The following FCER2 variants were observed in gnomAD, a reference collection of about 807,000 sequenced individuals.
FCER2 encodes Fc epsilon receptor II.
In FCER2, 38 loss-of-function variants were observed where a neutral mutation model predicts 49.7. The ratio of observed to expected loss-of-function variants is 0.76; its 90% CI spans 0.59 to 1.00. The LOEUF (loss-of-function observed/expected upper bound fraction) is 1.00. Ranked by LOEUF, FCER2 falls within the 50% of genes least tolerant of loss-of-function variation. FCER2 has a pLI of 0.00. For synonymous variants in FCER2, 163 were observed against 164.6 expected (o/e 0.99, Z 0.07); for missense variants, 425 against 419.5 (o/e 1.01, Z -0.11).
intron 3 of FCER2, 50 bp from the exon 4 acceptor site, chr19:7,698,459 C>CCT: frequency 1.4e-6 from 2 of 1,438,770 alleles, no homozygotes; most frequent in Non-Finnish European, 1.9e-6. Flanking sequence ...GTCAGTGCCC[C>CCT]CACCTGCCTG....
Position 7,699,734 on chromosome 19 carries a change from C to T in FCER2, c.22+5G>A. On this transcript the variant is annotated splice_donor_5th_base_variant and intron_variant, in intron 2 of 10. Transcript: ENST00000597921. ...GCCAACGTTAGAACCAGAGAGTCCT[C>T]CTACCTGAATATTGACCTTCCTCCA... 6.2e-7 allele frequency: 1 copy of T among 1,613,798 alleles called. No individual in the cohort carries two copies. The highest frequency in any genetic ancestry group is 2.2e-5 in the East Asian group (1 of 44,854).
Position 7,698,468 on chromosome 19 carries a change from T to C in FCER2, c.137-59A>G, listed in dbSNP as rs2033076381. 11 of 1,349,044 alleles carry C rather than the reference T, an allele frequency of 8.2e-6. No individual in the cohort carries two copies. The Admixed American group carries it at 1.1e-4, about 13-fold the overall frequency. The allele number at this position is 1,349,044 out of a possible 1,614,324, so 83.6% of individuals were successfully genotyped here. A position where few individuals can be genotyped will look rare whatever the true frequency, so the allele number is the denominator to read the frequency against. ...GGGATTGTCAGTGCCCCCACCTGCC[T>C]GCACCCCACCTCCCAGCTGGGGATG... is the stretch of plus-strand genomic sequence containing the variant. On this transcript the variant is annotated intron_variant, in intron 3 of 10. Transcript: ENST00000597921.
chr19:7,691,384 C>CT (rs2032866490), intron 8 of FCER2, among the ~76,000 whole-genome samples: 1 of 152,094 alleles, frequency 6.6e-6, no homozygotes, highest in African/African-American at 2.4e-5. Context: ...CCACAAATCC[C>CT]ATCATCACAA....
chr19:7,698,972 A>C, intron 2 of FCER2, 118 bp from the exon 3 acceptor site: 2 of 1,069,642 alleles, frequency 1.9e-6, no homozygotes, highest in Non-Finnish European at 2.7e-6. Flanking sequence ...GCCCACACTG[A>C]AGCAAAGGGT....
At chr19:7,691,396 T>C (rs1474475640) in intron 8 of FCER2, among the ~76,000 whole-genome samples, 2 of 151,084 alleles carry the variant, frequency 1.3e-5, no homozygotes, top group Non-Finnish European at 3.0e-5. Context: ...TCATCACAAA[T>C]GCTTCACAGC....
intron 10 of FCER2, among the ~76,000 whole-genome samples, 179 bp from the exon 11 acceptor site, chr19:7,689,609 A>G (rs767515131): frequency 6.6e-6 from 1 of 151,214 alleles, no homozygotes; most frequent in South Asian, 2.1e-4. Context: ...ACCCTTATTT[A>G]TTTGTTTGTT....
chr19:7,699,778 T>A lies in FCER2; in HGVS notation c.-18A>T, dbSNP rs750401440. 3.7e-6 allele frequency: 6 copies of A among 1,613,294 alleles called. No homozygotes were observed. In the Admixed American group the frequency reaches 6.7e-5, roughly 18 times the overall value. On this transcript the variant is annotated 5_prime_UTR_variant, in exon 2 of 11. Transcript: ENST00000597921. The stretch of plus-strand genomic sequence containing the variant: ...TCCTCCATGGCGGTCCTGCTTGGAT[T>A]CTCCCGATGATGGAGCACTCACTCC...
chr19:7,701,763 G>A (rs572083709), intron 1 of FCER2, among the ~76,000 whole-genome samples: 153 of 151,992 alleles, frequency 1.0e-3, no homozygotes, highest in African/African-American at 3.5e-3. Context: ...CTCTATGATC[G>A]GCCCAGCGCA....
rs555446476 is a variant in FCER2 at position 7,689,422 on chromosome 19, G to T, written c.737C>A (p.Ala246Asp). Reference sequence around the variant, plus strand: ...GCTCCGGCTGGTGGGCTCCCCTGGAGCCCAGTTGCTGGAGCAAAAGGCTTT... The same window carrying T: ...GCTCCGGCTGGTGGGCTCCCCTGGATCCCAGTTGCTGGAGCAAAAGGCTTT... ...DGSHVDYSNW[A>D]PGEPTSRSQG... is the part of the protein sequence containing the mutation. The change falls in exon 11 of 11, where the codon GCT becomes GAT. Residue 246 changes from alanine (A) to aspartate (D), a missense_variant. Transcript: ENST00000597921. 5 of 1,584,858 alleles carry T rather than the reference G, an allele frequency of 3.2e-6. No individual in the cohort carries two copies. The South Asian group carries it at 5.6e-5, about 18-fold the overall frequency.
rs936944135 is a variant in FCER2 at position 7,688,964 on chromosome 19, G to A, written c.*229C>T. 5 of 568,026 alleles carry A rather than the reference G, an allele frequency of 8.8e-6. No individual in the cohort carries two copies. The highest frequency in any genetic ancestry group is 5.6e-5 in the African/African-American group (3 of 53,194). The allele number at this position is 568,026 out of a possible 1,614,324, so 35.2% of individuals were successfully genotyped here. On this transcript the variant is annotated 3_prime_UTR_variant, in exon 11 of 11. Transcript: ENST00000597921. ...ACTCTCATCTGGAGAGGGTGCTGTT[G>A]GGGTGTACTCTCATCTGGAGAGGGT...
intron 1 of FCER2, among the ~76,000 whole-genome samples, chr19:7,701,410 G>A (rs190040010): frequency 3.3e-5 from 5 of 152,264 alleles, no homozygotes; most frequent in African/African-American, 9.6e-5. Context: ...AGCTCAGTTT[G>A]CTCATCTGTA....
chr19:7,696,106 T>A (rs1358587722), intron 8 of FCER2, among the ~76,000 whole-genome samples: 3 of 151,682 alleles, frequency 2.0e-5, no homozygotes, highest in Non-Finnish European at 4.4e-5. Flanking sequence ...GTTAATTTTT[T>A]AAAATTTTTA....
At chr19:7,696,788 G>T in intron 8 of FCER2, 37 bp downstream of exon 8, 2 of 1,497,806 alleles carry the variant, frequency 1.3e-6, no homozygotes, top group Non-Finnish European at 1.8e-6. Context: ...CCCAGGTGAG[G>T]TCACGCGTCG....
intron 2 of FCER2, chr19:7,699,248 A>T: frequency 2.0e-6 from 1 of 501,054 alleles, no homozygotes; most frequent in Non-Finnish European, 3.5e-6. Context: ...GTTCTTCCCC[A>T]ACATCGGAGC....
rs1358565745 is a variant in FCER2 at position 7,699,548 on chromosome 19, T to G, written c.22+191A>C. Reference sequence around the variant, plus strand: ...ATCAGAAAAAGGAGGGGCCCTCAATTTGCCACTCCTTCCTGGCTCTGTGCC... The same window carrying G: ...ATCAGAAAAAGGAGGGGCCCTCAATGTGCCACTCCTTCCTGGCTCTGTGCC... On this transcript the variant is annotated intron_variant, in intron 2 of 10. Coordinates refer to ENST00000597921, the MANE Select transcript of FCER2 (RefSeq NM_001220500.2). 1.7e-5 allele frequency: 22 copies of G among 1,305,886 alleles called. 1 individual carries two copies. In the South Asian group the frequency reaches 2.6e-4, roughly 16 times the overall value. The allele number at this position is 1,305,886 out of a possible 1,614,324, so 80.9% of individuals were successfully genotyped here. A position where few individuals can be genotyped will look rare whatever the true frequency, so the allele number is the denominator to read the frequency against.
intron 8 of FCER2, among the ~76,000 whole-genome samples, chr19:7,694,117 G>C (rs2146273558): frequency 6.6e-6 from 1 of 152,306 alleles, no homozygotes; most frequent in South Asian, 2.1e-4. Flanking sequence ...TTTCTAAGGA[G>C]CTTAGGGTCT....
chr19:7,697,377 CTTT>C, intron 5 of FCER2, 79 bp from the exon 6 acceptor site: 1 of 1,548,148 alleles, frequency 6.5e-7, no homozygotes. Flanking sequence ...CCCTTGGTCT[CTTT>C]GCCTGGGTTC....
chr19:7,695,132 G>A (rs1483682386), intron 8 of FCER2, among the ~76,000 whole-genome samples: 1 of 152,202 alleles, frequency 6.6e-6, no homozygotes, highest in Admixed American at 6.5e-5. Flanking sequence ...CAGTGCACCT[G>A]GTCCCTACCC....
intron 8 of FCER2, among the ~76,000 whole-genome samples, chr19:7,691,305 C>T (rs67614954): frequency 0.35 from 52,629 of 151,926 alleles, 10,160 homozygotes; most frequent in African/African-American, 0.52. Context: ...AAATCCACCA[C>T]GGCTTGGGAA....
Sources: allele counts gnomAD v4.1 joint callset (sites outside exome capture counted in the v4.1 genomes callset), GRCh38; gene constraint gnomAD v4.1.1; transcripts MANE v1.5; gene names NCBI Gene and HGNC (gene_info 2026-07-23, HGNC 2026-07-21).